LCT: variants seen among roughly 807,000 people sequenced by gnomAD.
The protein encoded by LCT is lactase/phlorizin hydrolase.
LCT carries 90 observed loss-of-function variants against 173.0 expected under a neutral mutation model. That is an observed-to-expected ratio of 0.52 (90% CI 0.44 to 0.62). The LOEUF is 0.62. Ranked by LOEUF, LCT falls within the 20% of genes least tolerant of loss-of-function variation. LCT has a pLI of 0.00. For synonymous variants in LCT, 853 were observed against 957.6 expected (o/e 0.89, Z 2.02); for missense variants, 1,864 against 2,431.4 (o/e 0.77, Z 4.91).
At chr2:135,821,035 C>G (rs564835747) in intron 5 of LCT, among the ~76,000 whole-genome samples, 4 of 152,226 alleles carry the variant, frequency 2.6e-5, no homozygotes, top group Non-Finnish European at 5.9e-5. Flanking sequence ...CGCCCGCCAC[C>G]ATGCCCGGCT....
intron 1 of LCT, among the ~76,000 whole-genome samples, chr2:135,834,270 C>A (rs2077965348): frequency 6.6e-6 from 1 of 151,870 alleles, no homozygotes; most frequent in Admixed American, 6.6e-5. Flanking sequence ...ACTGCAACCT[C>A]CGCCTCCCAG....
chr2:135,798,924 T>C (rs1238505044), intron 12 of LCT, among the ~76,000 whole-genome samples: 5 of 152,180 alleles, frequency 3.3e-5, no homozygotes, highest in African/African-American at 1.2e-4. Flanking sequence ...AAGCTGATTC[T>C]AATAAGAGAT....
intron 3 of LCT, among the ~76,000 whole-genome samples, chr2:135,827,547 T>A (rs2077897960): frequency 6.6e-6 from 1 of 152,068 alleles, no homozygotes; most frequent in Non-Finnish European, 1.5e-5. Flanking sequence ...GGAAGACAAT[T>A]TTTCCACAGA....
In LCT at chr2:135,823,919, G is replaced by C. The variant is rs781019984; in HGVS notation, c.889C>G (p.Leu297Val). Residue 297 changes from leucine to valine, a missense_variant, in exon 4 of 17, where the codon CTC (leucine) becomes GTC (valine). By Grantham distance (32) the Leu-to-Val change is conservative. Around this residue, in one of 4 missense-constraint regions of LCT, gnomAD observed 412 missense variants for 462.0 expected, o/e 0.89. Coordinates refer to ENST00000264162, the MANE Select transcript of LCT (RefSeq NM_002299.4). ...PSTMKNPASL[L>V]FSLFEAINKD... ...CACTCACCTTCAAAAAGGCTGAAGA[G>C]CAGACTGGCTGGGTTCTTCATGGTG... 1 of 1,612,290 alleles carries C rather than the reference G, an allele frequency of 6.2e-7. No homozygotes were observed. Among genetic ancestry groups the C allele is most frequent in the Admixed American group, 1.7e-5 (1 of 60,012 alleles).
chr2:135,794,340 T>G, intron 14 of LCT: 1 of 304,208 alleles, frequency 3.3e-6, no homozygotes, highest in Non-Finnish European at 6.1e-6. Flanking sequence ...CCAAGCATTT[T>G]TAGAGTTAAG....
chr2:135,809,744 C>T lies in LCT; in HGVS notation c.2603G>A (p.Arg868Lys), dbSNP rs369266498. Residue 868 changes from arginine to lysine, a missense_variant, in exon 8 of 17, where the codon AGA becomes AAA. Arg to Lys is a conservative substitution (Grantham distance 26, BLOSUM62 2). Coordinates refer to ENST00000264162, the MANE Select transcript of LCT (RefSeq NM_002299.4). This position sits in a 1 kb window ranked among gnomAD's most constrained non-coding sequence, Gnocchi z 5.5. ...PNTVNLPSKVRAFTFPSEVPS... is the reference protein window; with the variant it reads ...PNTVNLPSKVKAFTFPSEVPS... ...CACCTCAGATGGAAAAGTGAAGGCT[C>T]TGACTTTGGAGGGGAGGTTTACTGT... 38 of 1,614,126 alleles carry T rather than the reference C, an allele frequency of 2.4e-5. 1 individual carries two copies. The highest frequency in any genetic ancestry group is 3.3e-5 in the South Asian group (3 of 91,090).
intron 7 of LCT, among the ~76,000 whole-genome samples, chr2:135,811,380 C>T (rs1330058186): frequency 6.6e-6 from 1 of 152,090 alleles, no homozygotes; most frequent in Non-Finnish European, 1.5e-5. Context: ...AAGATAAGAA[C>T]ATCCTGGGTT....
chr2:135,804,415 C>G (rs569967283), intron 10 of LCT, among the ~76,000 whole-genome samples: 34 of 152,272 alleles, frequency 2.2e-4, no homozygotes, highest in African/African-American at 8.2e-4. Flanking sequence ...AGCACGGTGG[C>G]TCATACCTAT....
chr2:135,819,250 A>G (rs1013280693), intron 5 of LCT, among the ~76,000 whole-genome samples: 3 of 152,082 alleles, frequency 2.0e-5, no homozygotes, highest in African/African-American at 4.8e-5. Context: ...ATGTGGTCTG[A>G]TTTTTCTATT....
intron 14 of LCT, among the ~76,000 whole-genome samples, chr2:135,793,971 CAAAAAAA>C (rs34100426): frequency 2.4e-5 from 3 of 124,220 alleles, no homozygotes; most frequent in Admixed American, 1.6e-4. Flanking sequence ...TGCTAAAATA[CAAAAAAA>C]AAAAAAAAAA....
Position 135,808,515 on chromosome 2 carries a change from G to A in LCT, c.3832C>T (p.Leu1278=), listed in dbSNP as rs1332747002. 1 of 1,614,100 alleles carries A rather than the reference G, an allele frequency of 6.2e-7. No individual in the cohort carries two copies. Among genetic ancestry groups the A allele is most frequent in the Admixed American group, 1.7e-5 (1 of 60,008 alleles). Residue 1278 remains leucine (L), a synonymous_variant, in exon 8 of 17, where the codon CTG becomes TTG. Transcript: ENST00000264162. ...GTATCCTCCGTGTTCGGATTGGTCA[G>A]CCCCACTCCGTTTTCGGTGATGTAA... ...PIYITENGVG[L]TNPNTEDTDR...
In LCT at chr2:135,833,147, C is replaced by T. The variant is rs1237651297; in HGVS notation, c.684G>A (p.Glu228=). 6.2e-7 allele frequency: 1 copy of T among 1,614,018 alleles called. No individual in the cohort carries two copies. The change falls in exon 2 of 17, where the codon GAG becomes GAA. Residue 228 remains glutamate, a synonymous_variant. Coordinates refer to ENST00000264162, the MANE Select transcript of LCT (RefSeq NM_002299.4). ...CAGATATGGGTGGTTCTAGCAGGAGCTCCGGGATATCTTCAGCTCGCAGGA... is the reference window on the plus strand; with the variant it reads ...CAGATATGGGTGGTTCTAGCAGGAGTTCCGGGATATCTTCAGCTCGCAGGA... ...SVVLRAEDIP[E]LLLEPPISAL... is the part of the protein sequence containing the mutation.
intron 6 of LCT, among the ~76,000 whole-genome samples, chr2:135,816,308 C>T (rs1293380017): frequency 6.6e-5 from 10 of 152,180 alleles, no homozygotes; most frequent in Non-Finnish European, 1.5e-5. Flanking sequence ...TGGCCCACAC[C>T]AGTCAGTTGT....
Position 135,798,017 on chromosome 2 carries a change from C to T in LCT, c.4976+12G>A, listed in dbSNP as rs775117948. On this transcript the variant is annotated intron_variant, in intron 13 of 16. Transcript: ENST00000264162. ...GCCCATGCCCTCACCACTGCGGGCA[C>T]CAGGCCCTTACCGAGACTTGTTGAG... 1.6e-5 allele frequency: 25 copies of T among 1,520,660 alleles called. No individual in the cohort carries two copies. In the East Asian group the frequency reaches 5.4e-4, roughly 33 times the overall value. The allele number at this position is 1,520,660 out of a possible 1,614,324, so 94.2% of individuals were successfully genotyped here. A position where few individuals can be genotyped will look rare whatever the true frequency, so the allele number is the denominator to read the frequency against.
At chr2:135,826,458 T>A (rs1406631933) in intron 3 of LCT, among the ~76,000 whole-genome samples, 5 of 150,508 alleles carry the variant, frequency 3.3e-5, no homozygotes, top group Non-Finnish European at 7.4e-5. Context: ...CCCAGCTACT[T>A]GGGAGGCTGA....
At chr2:135,831,510 T>C (rs1181333795) in intron 2 of LCT, among the ~76,000 whole-genome samples, 1 of 152,138 alleles carries the variant, frequency 6.6e-6, no homozygotes, top group Non-Finnish European at 1.5e-5. Flanking sequence ...CCCAGAAGCA[T>C]TTCACAGCAT....
chr2:135,828,304 T>G (rs2077904004), intron 3 of LCT, among the ~76,000 whole-genome samples: 1 of 152,234 alleles, frequency 6.6e-6, no homozygotes, highest in Non-Finnish European at 1.5e-5. Flanking sequence ...ATTACAGGCA[T>G]GAGCCACTGT....
chr2:135,809,728 T>A lies in LCT; in HGVS notation c.2619A>T (p.Pro873=). ...CTTTAGCCTTGGAGGGCACCTCAGA[T>A]GGAAAAGTGAAGGCTCTGACTTTGG... The part of the protein sequence containing the change: ...LPSKVRAFTF[P]SEVPSKAKVV... Residue 873 remains proline, a synonymous_variant, in exon 8 of 17, where the codon CCA becomes CCT. Transcript: ENST00000264162. This position sits in a 1 kb window ranked among gnomAD's most constrained non-coding sequence, Gnocchi z 5.5. 1 of 1,614,234 alleles carries A rather than the reference T, an allele frequency of 6.2e-7. No homozygotes were observed. Among genetic ancestry groups the A allele is most frequent in the African/African-American group, 1.3e-5 (1 of 75,066 alleles).
intron 14 of LCT, among the ~76,000 whole-genome samples, chr2:135,791,268 G>T (rs1018329232): frequency 6.6e-6 from 1 of 152,214 alleles, no homozygotes; most frequent in Non-Finnish European, 1.5e-5. Context: ...CAGAGAATGG[G>T]CTCCCCCAAG....
Sources: gnomAD v4.1 joint callset for allele counts (sites outside exome capture counted in the v4.1 genomes callset) on GRCh38, gnomAD v4.1.1 for gene constraint, gnomAD v4.1.1 regional missense constraint, Gnocchi (gnomAD v3.1) non-coding constraint, MANE v1.5 for transcripts, NCBI Gene and HGNC (gene_info 2026-07-23, HGNC 2026-07-21) for gene names.